The following MSI2 variants were observed in gnomAD, a reference collection of about 807,000 sequenced individuals.
The protein encoded by MSI2 is RNA-binding protein Musashi homolog 2.
A neutral mutation model predicts 45.6 loss-of-function variants in MSI2; 17 were observed. The observed-to-expected ratio is 0.37, with a 90% CI of 0.26 to 0.56. The LOEUF is 0.56. MSI2 is among the 20% of genes least tolerant of loss of function. The pLI, the probability that MSI2 is intolerant of heterozygous loss-of-function variation, is 0.77. For synonymous variants in MSI2, 156 were observed against 158.2 expected (o/e 0.99, Z 0.11); for missense variants, 293 against 444.2 (o/e 0.66, Z 3.06).
chr17:57,280,627 T>C lies in MSI2; in HGVS notation c.312+18435T>C, dbSNP rs1909333519. 6.6e-6 allele frequency among the ~76,000 whole-genome samples: 1 copy of C among 152,162 alleles called. No homozygotes were observed. The highest frequency in any genetic ancestry group is 2.1e-4 in the South Asian group (1 of 4,824). ...AGGGGACAGGCAGGGCAGGTGTGCCTGGCTCAGGGGGTTGAGTGTAACCCC... is the reference window on the plus strand; with the variant it reads ...AGGGGACAGGCAGGGCAGGTGTGCCCGGCTCAGGGGGTTGAGTGTAACCCC... On this transcript the variant is annotated intron_variant, in intron 5 of 13. Transcript: ENST00000284073. This position sits in a 1 kb window ranked among gnomAD's most constrained non-coding sequence, Gnocchi z 4.2.
intron 6 of MSI2, among the ~76,000 whole-genome samples, chr17:57,527,464 C>CG (rs113683784): frequency 0.65 from 93,102 of 144,312 alleles, 28,839 homozygotes; most frequent in East Asian, 0.78. Context: ...AGGTTACCGT[C>CG]GGCGGGGGCT....
At chr17:57,668,785 C>G (rs1912560458) in intron 11 of MSI2, among the ~76,000 whole-genome samples, 1 of 152,190 alleles carries the variant, frequency 6.6e-6, no homozygotes, top group South Asian at 2.1e-4. Flanking sequence ...TCTCTTAATC[C>G]TCCCCCAGTT....
intron 5 of MSI2, among the ~76,000 whole-genome samples, chr17:57,325,504 T>C (rs1355525041): frequency 6.6e-6 from 1 of 152,202 alleles, no homozygotes; most frequent in African/African-American, 2.4e-5. Flanking sequence ...AAAAGGGACG[T>C]GTTTGAGTCC....
rs566080252 is a variant in MSI2, at chr17:57,531,791, A to T, written c.454+2067A>T. ...GCTGGTCATGGCAGAGGTGGGGTTG[A>T]AACACCGGACTTTGGACTTCTGGGT... On this transcript the variant is annotated intron_variant, in intron 7 of 13. Coordinates refer to ENST00000284073, the MANE Select transcript of MSI2 (RefSeq NM_138962.4). 3 of 152,300 alleles carry T rather than the reference A, an allele frequency of 2.0e-5. No homozygotes were observed. In the South Asian group the frequency reaches 6.2e-4, roughly 32 times the overall value. 9.4% of individuals were successfully genotyped at this position (152,300 alleles called of 1,614,324 possible).
intron 6 of MSI2, among the ~76,000 whole-genome samples, chr17:57,484,847 C>G (rs1241268822): frequency 2.0e-5 from 3 of 152,128 alleles, no homozygotes; most frequent in Non-Finnish European, 4.4e-5. Flanking sequence ...GAACTCTTAC[C>G]TGTGCTCGAA....
intron 8 of MSI2, among the ~76,000 whole-genome samples, chr17:57,598,176 G>A (rs577769794): frequency 6.6e-6 from 1 of 152,234 alleles, no homozygotes; most frequent in African/African-American, 2.4e-5. Context: ...GGCCACGAGA[G>A]CCTCCAGCCT....
intron 11 of MSI2, among the ~76,000 whole-genome samples, chr17:57,669,174 A>G (rs367826189): frequency 8.5e-5 from 13 of 152,246 alleles, no homozygotes; most frequent in African/African-American, 2.9e-4. Context: ...ACCATCTGCA[A>G]TTATTTACAG....
intron 10 of MSI2, among the ~76,000 whole-genome samples, chr17:57,648,722 A>G (rs993953660): frequency 2.0e-5 from 3 of 152,156 alleles, no homozygotes; most frequent in Non-Finnish European, 4.4e-5. Context: ...GGCCCTATGA[A>G]GAAGCCTTGA....
intron 8 of MSI2, among the ~76,000 whole-genome samples, chr17:57,603,891 A>G (rs940695345): frequency 1.3e-5 from 2 of 152,254 alleles, no homozygotes; most frequent in African/African-American, 4.8e-5. Flanking sequence ...ATTTAGCCAA[A>G]TGGTCAGCCA....
chr17:57,565,019 T>A (rs2087693870), intron 7 of MSI2, among the ~76,000 whole-genome samples: 1 of 152,184 alleles, frequency 6.6e-6, no homozygotes. Flanking sequence ...TTACATATGT[T>A]GCCTTATTTA....
At chr17:57,482,164 CA>C (rs1413416674) in intron 6 of MSI2, among the ~76,000 whole-genome samples, 18 of 152,320 alleles carry the variant, frequency 1.2e-4, no homozygotes, top group African/African-American at 3.8e-4. Flanking sequence ...AGATATCTCA[CA>C]GTGGCTAACA....
intron 8 of MSI2, among the ~76,000 whole-genome samples, chr17:57,598,172 G>A (rs768461871): frequency 2.6e-5 from 4 of 152,332 alleles, no homozygotes; most frequent in Middle Eastern, 3.4e-3. Flanking sequence ...GGTTGGCCAC[G>A]AGAGCCTCCA....
chr17:57,519,943 G>A (rs1025129459), intron 6 of MSI2, among the ~76,000 whole-genome samples: 8 of 152,136 alleles, frequency 5.3e-5, no homozygotes, highest in African/African-American at 1.7e-4. Context: ...GTAATCCCAA[G>A]CTACTCAGGA....
At chr17:57,367,881 G>A (rs1347055309) in intron 5 of MSI2, among the ~76,000 whole-genome samples, 2 of 152,154 alleles carry the variant, frequency 1.3e-5, no homozygotes, top group Non-Finnish European at 2.9e-5. Context: ...CTGGAGGCCT[G>A]GGTAGGAGAC....
intron 6 of MSI2, chr17:57,449,477 G>T (rs1173039146): frequency 2.0e-5 from 3 of 152,062 alleles, no homozygotes; most frequent in Non-Finnish European, 2.9e-5. Context: ...ATAAAGTCAG[G>T]GTCTGTTAGC....
At chr17:57,474,381 G>A (rs1297057777) in intron 6 of MSI2, among the ~76,000 whole-genome samples, 1 of 152,150 alleles carries the variant, frequency 6.6e-6, no homozygotes, top group East Asian at 1.9e-4. Flanking sequence ...AACTCATGCA[G>A]ACCAGGCTCC....
chr17:57,466,716 G>T (rs564712895), intron 6 of MSI2, among the ~76,000 whole-genome samples: 1 of 152,146 alleles, frequency 6.6e-6, no homozygotes, highest in Non-Finnish European at 1.5e-5. Flanking sequence ...ATTCAGGAGT[G>T]TCCCACAGGG....
intron 6 of MSI2, among the ~76,000 whole-genome samples, chr17:57,483,209 G>T (rs1442006441): frequency 1.3e-5 from 2 of 152,092 alleles, no homozygotes; most frequent in Non-Finnish European, 2.9e-5. Context: ...TGCTAGTTGA[G>T]CTGTTCTGCT....
At chr17:57,448,279 C>T (rs542006191) in intron 6 of MSI2, 2 of 152,300 alleles carry the variant, frequency 1.3e-5, no homozygotes, top group Non-Finnish European at 2.9e-5. Flanking sequence ...TTTTCTTTTC[C>T]ATTAACACTT....
Sources: allele counts gnomAD v4.1 joint callset (sites outside exome capture counted in the v4.1 genomes callset), GRCh38; gene constraint gnomAD v4.1.1; non-coding constraint Gnocchi (gnomAD v3.1); transcripts MANE v1.5; gene names NCBI Gene and HGNC (gene_info 2026-07-23, HGNC 2026-07-21).